The following ZNF225 variants were observed in gnomAD, a reference collection of about 807,000 sequenced individuals.
The protein encoded by ZNF225 is zinc finger protein 225.
Under a neutral mutation model 12.0 loss-of-function variants are expected in ZNF225, and 6 were observed. The observed-to-expected ratio is 0.50, with a 90% CI of 0.27 to 0.98. The LOEUF is 0.98. Among genes scored for constraint, ZNF225 ranks in the 50% least tolerant of loss-of-function variants. The pLI, the probability that ZNF225 is intolerant of heterozygous loss-of-function variation, is 0.11. For synonymous variants in ZNF225, 271 were observed against 283.2 expected (o/e 0.96, Z 0.43); for missense variants, 763 against 848.2 (o/e 0.90, Z 1.25).
Position 44,132,560 on chromosome 19 carries a change from A to T in ZNF225, c.1946A>T (p.Glu649Val), listed in dbSNP as rs750537057. 3.5e-5 allele frequency: 56 copies of T among 1,614,044 alleles called. No homozygotes were observed. Among genetic ancestry groups the T allele is most frequent in the Non-Finnish European group, 4.5e-5 (53 of 1,180,000 alleles). Residue 649 changes from glutamate (E) to valine (V), a missense_variant, in exon 5 of 5, where the codon GAA becomes GTA. Physicochemically the swap from Glu to Val is moderately radical, Grantham distance 121. Coordinates refer to ENST00000262894, the MANE Select transcript of ZNF225 (RefSeq NM_013362.4). ...ACCCATCAGAGACTCCACAGTAGAG[A>T]AAAACTACTTCAATGTGAGGACTGT... is the stretch of plus-strand genomic sequence containing the variant. The part of the protein sequence containing the change: ...HLTHQRLHSR[E>V]KLLQCEDCGK...
chr19:44,130,872 G>A lies in ZNF225; in HGVS notation c.258G>A (p.Met86Ile). ...GNLGGKIQME[M>I]ETVSESGTHE... ...TAGGAGGCAAGATCCAAATGGAGAT[G>A]GAGACTGTTTCAGAATCAGGAACAC... The change falls in exon 5 of 5, where the codon ATG becomes ATA. Residue 86 changes from methionine (M) to isoleucine (I), a missense_variant. Physicochemically the swap from Met to Ile is conservative, Grantham distance 10. Coordinates refer to ENST00000262894, the MANE Select transcript of ZNF225 (RefSeq NM_013362.4). The A allele has an allele frequency of 1.2e-6, 2 of 1,612,772 alleles. No homozygotes were observed. The highest frequency in any genetic ancestry group is 1.7e-6 in the Non-Finnish European group (2 of 1,179,384).
Position 44,131,955 on chromosome 19 carries a change from G to A in ZNF225, c.1341G>A (p.Gln447=). ...GGAGGTTGGATCTTGACTTTCATCA[G>A]AGGGTCCACAGAGGAGAGAAACCCT... ...YKRRLDLDFH[Q]RVHRGEKPYN... is the part of the protein sequence containing the mutation. The change falls in exon 5 of 5, where the codon CAG becomes CAA. Residue 447 remains glutamine, a synonymous_variant. Transcript: ENST00000262894. The A allele has an allele frequency of 1.2e-6, 2 of 1,614,070 alleles. No homozygotes were observed. Among genetic ancestry groups the A allele is most frequent in the Non-Finnish European group, 1.7e-6 (2 of 1,179,990 alleles).
intron 2 of ZNF225, 131 bp from the exon 3 acceptor site, chr19:44,118,057 G>A: frequency 2.4e-6 from 2 of 846,258 alleles, no homozygotes; most frequent in Non-Finnish European, 3.3e-6. Flanking sequence ...AAAAAAGGAA[G>A]TCTGTGTGTT....
intron 4 of ZNF225, chr19:44,130,288 A>G: frequency 6.6e-6 from 1 of 152,064 alleles, no homozygotes; most frequent in Non-Finnish European, 1.5e-5. Context: ...AGTCCTAGCT[A>G]CTCAGGAGGC....
chr19:44,122,413 T>C (rs986765260), intron 4 of ZNF225, among the ~76,000 whole-genome samples: 3 of 152,208 alleles, frequency 2.0e-5, no homozygotes, highest in African/African-American at 7.2e-5. Flanking sequence ...TATAGTATAG[T>C]TTGAAATCAG....
chr19:44,122,714 T>C (rs1204804039), intron 4 of ZNF225, among the ~76,000 whole-genome samples: 1 of 152,202 alleles, frequency 6.6e-6, no homozygotes, highest in Admixed American at 6.5e-5. Flanking sequence ...GTCTTTTGAC[T>C]CCTTGGTTAG....
At chr19:44,122,079 G>A (rs1160607797) in intron 4 of ZNF225, among the ~76,000 whole-genome samples, 1 of 152,168 alleles carries the variant, frequency 6.6e-6, no homozygotes, top group East Asian at 1.9e-4. Context: ...CTAAGCCAAT[G>A]TCTAGAAGGA....
At chr19:44,117,863 A>G (rs1208780534) in intron 2 of ZNF225, among the ~76,000 whole-genome samples, 2 of 152,130 alleles carry the variant, frequency 1.3e-5, no homozygotes, top group Non-Finnish European at 2.9e-5. Flanking sequence ...TATTAAAAAT[A>G]CAAAAATTAG....
intron 4 of ZNF225, among the ~76,000 whole-genome samples, chr19:44,125,157 G>A (rs1156527606): frequency 6.6e-6 from 1 of 152,136 alleles, no homozygotes; most frequent in African/African-American, 2.4e-5. Context: ...CTTTAAAGAG[G>A]TTCTGTTTTG....
chr19:44,127,291 C>G (rs1457191787), intron 4 of ZNF225, among the ~76,000 whole-genome samples: 1 of 152,230 alleles, frequency 6.6e-6, no homozygotes, highest in Non-Finnish European at 1.5e-5. Flanking sequence ...GGAAACTTCT[C>G]CCACAAACAG....
intron 1 of ZNF225, among the ~76,000 whole-genome samples, chr19:44,114,785 C>T (rs1704738241): frequency 1.3e-5 from 2 of 152,210 alleles, no homozygotes; most frequent in Admixed American, 1.3e-4. Flanking sequence ...TGTGGGATTA[C>T]AGGCATGAGC....
intron 1 of ZNF225, among the ~76,000 whole-genome samples, chr19:44,114,432 G>T (rs113571232): frequency 4.6e-5 from 7 of 152,246 alleles, no homozygotes; most frequent in African/African-American, 1.7e-4. Context: ...TGTTCATTTG[G>T]AGTTTTTCTG....
At chr19:44,122,994 T>C (rs2147562221) in intron 4 of ZNF225, among the ~76,000 whole-genome samples, 1 of 152,312 alleles carries the variant, frequency 6.6e-6, no homozygotes, top group East Asian at 1.9e-4. Context: ...CTTATTTCTT[T>C]CTCTTGTCTG....
chr19:44,114,270 A>G, intron 1 of ZNF225: 1 of 735,750 alleles, frequency 1.4e-6, no homozygotes, highest in South Asian at 1.6e-5. Flanking sequence ...CCGAGAGTGT[A>G]TAGGATGTGT....
chr19:44,130,065 C>G (rs985424434), intron 4 of ZNF225: 13 of 152,194 alleles, frequency 8.5e-5, no homozygotes, highest in African/African-American at 2.9e-4. Flanking sequence ...TGGTGTGGTT[C>G]TGAATTGGTC....
In ZNF225 at chr19:44,115,770, G is replaced by T; in HGVS notation, c.-58G>T. The T allele has an allele frequency of 1.9e-6, 3 of 1,561,298 alleles. No homozygotes were observed. The highest frequency in any genetic ancestry group is 2.6e-6 in the Non-Finnish European group (3 of 1,150,366). On this transcript the variant is annotated 5_prime_UTR_variant, in exon 2 of 5. Coordinates refer to ENST00000262894, the MANE Select transcript of ZNF225 (RefSeq NM_013362.4). ...CCTGGTACTTTCCAGGCAGGATTCT[G>T]CTTTCCCTTGGACTGTATCACTCAG...
Position 44,130,930 on chromosome 19 carries a change from CA to C in ZNF225, c.319del (p.Ile107PhefsTer5), listed in dbSNP as rs1391701481. 1.9e-6 allele frequency: 3 copies of C among 1,613,926 alleles called. No homozygotes were observed. In the African/African-American group the frequency reaches 4.0e-5, roughly 22 times the overall value. On this transcript the variant is annotated frameshift_variant, in exon 5 of 5. Transcript: ENST00000262894. LOFTEE classifies it low-confidence loss of function (END_TRUNC). The stretch of plus-strand genomic sequence containing the variant: ...CTTGTTCAGTCATCAAACCTGGGAA[CA>C]AATTTCAAGTGACTTAACCAGGTTT... ...EGLFSHQTWE[Q>X]ISSDLTRFQD...
In ZNF225 at chr19:44,133,717, G is replaced by A. The variant is rs540053807; in HGVS notation, c.*982G>A. On this transcript the variant is annotated 3_prime_UTR_variant, in exon 5 of 5. Transcript: ENST00000262894. Reference sequence around the variant, plus strand: ...GAGCGCCATTCCATTCATAGACACCGTGGTGATATTTTGAGTACATTAGGT... The same window carrying A: ...GAGCGCCATTCCATTCATAGACACCATGGTGATATTTTGAGTACATTAGGT... 4 of 152,192 alleles carry A rather than the reference G, an allele frequency of 2.6e-5. No homozygotes were observed. The highest frequency in any genetic ancestry group is 6.5e-5 in the Admixed American group (1 of 15,292). 9.4% of individuals were successfully genotyped at this position (152,192 alleles called of 1,614,324 possible). A position where few individuals can be genotyped will look rare whatever the true frequency, so the allele number is the denominator to read the frequency against.
chr19:44,125,151 A>G (rs374031231), intron 4 of ZNF225, among the ~76,000 whole-genome samples: 40 of 152,262 alleles, frequency 2.6e-4, no homozygotes, highest in African/African-American at 9.4e-4. Context: ...TTTATGCTTT[A>G]AAGAGGTTCT....
Sources: allele counts gnomAD v4.1 joint callset (sites outside exome capture counted in the v4.1 genomes callset), GRCh38; gene constraint gnomAD v4.1.1; transcripts MANE v1.5; gene names NCBI Gene and HGNC (gene_info 2026-07-23, HGNC 2026-07-21).